Variants in RBM19 observed in about 807,000 individuals in gnomAD.
The protein encoded by RBM19 is probable RNA-binding protein 19.
A neutral mutation model predicts 116.8 loss-of-function variants in RBM19; 94 were observed. The observed-to-expected ratio is 0.80, with a 90% CI of 0.68 to 0.95. RBM19 has a LOEUF of 0.95. Among genes scored for constraint, RBM19 ranks in the 40% least tolerant of loss-of-function variants. RBM19 has a pLI of 0.00. For missense variants in RBM19, 1,161 were observed against 1,220.7 expected (o/e 0.95, Z 0.73); for synonymous variants, 475 against 494.1 (o/e 0.96, Z 0.51).
chr12:113,911,834 T>C (rs1177543493), intron 21 of RBM19, among the ~76,000 whole-genome samples: 2 of 152,284 alleles, frequency 1.3e-5, no homozygotes, highest in East Asian at 3.9e-4. Context: ...TCACACGTAT[T>C]ACCACAGCAT....
chr12:113,880,990 G>A (rs1015569348), intron 21 of RBM19, among the ~76,000 whole-genome samples: 3 of 152,246 alleles, frequency 2.0e-5, no homozygotes, highest in East Asian at 1.9e-4. Context: ...CTGCAAACGC[G>A]GGTGAGTTTT....
At chr12:113,955,295 G>T in intron 6 of RBM19, 84 bp from the exon 7 acceptor site, 1 of 1,335,116 alleles carries the variant, frequency 7.5e-7, no homozygotes, top group Non-Finnish European at 1.1e-6. Flanking sequence ...ACATTTCAGT[G>T]CCAGAGAAGG....
At chr12:113,914,933 C>T in intron 21 of RBM19, 36 bp downstream of exon 21, 1 of 1,574,778 alleles carries the variant, frequency 6.4e-7, no homozygotes, top group Non-Finnish European at 8.7e-7. Context: ...TCCCCGCCCA[C>T]ACGCCAGTCC....
rs1377305002 is a variant in RBM19, at chr12:113,823,051, A to G, written c.*173T>C. 6.5e-6 allele frequency: 4 copies of G among 614,600 alleles called. No homozygotes were observed. Among genetic ancestry groups the G allele is most frequent in the Non-Finnish European group, 1.1e-5 (4 of 352,626 alleles). The allele number at this position is 614,600 out of a possible 1,614,324, so 38.1% of individuals were successfully genotyped here. On this transcript the variant is annotated 3_prime_UTR_variant, in exon 24 of 24. Transcript: ENST00000261741. Reference sequence around the variant, plus strand: ...ACCCAGGATGCCTGGGCCGCTGGGCAGTGGCCTGAGGCCTTCCTCATCCCC... The same window carrying G: ...ACCCAGGATGCCTGGGCCGCTGGGCGGTGGCCTGAGGCCTTCCTCATCCCC...
chr12:113,888,944 T>TG (rs1370720470), intron 21 of RBM19, among the ~76,000 whole-genome samples: 2 of 152,186 alleles, frequency 1.3e-5, no homozygotes, highest in African/African-American at 4.8e-5. Context: ...TGAAAGCCTT[T>TG]GGGGGGCTCT....
rs146264964 is a variant in RBM19 at position 113,838,209 on chromosome 12, C to T, written c.2785+6459G>A. 5.2e-3 allele frequency among the ~76,000 whole-genome samples: 799 copies of T among 152,370 alleles called. 2 individuals carry two copies. The highest frequency in any genetic ancestry group is 6.6e-3 in the Non-Finnish European group (450 of 68,036). ...ACTGCACTCACCCACTCTGGGACCA[C>T]TGAGACTTGCCAATTCACCCAGCGT... On this transcript the variant is annotated intron_variant, in intron 23 of 23. Transcript: ENST00000261741.
chr12:113,940,169 A>T lies in RBM19; in HGVS notation c.1738-9T>A. 1 of 1,611,004 alleles carries T rather than the reference A, an allele frequency of 6.2e-7. No individual in the cohort carries two copies. The highest frequency in any genetic ancestry group is 8.5e-7 in the Non-Finnish European group (1 of 1,177,992). On this transcript the variant is annotated splice_polypyrimidine_tract_variant and intron_variant, in intron 14 of 23. Transcript: ENST00000261741. Reference sequence around the variant, plus strand: ...CTTCGCTCTGCTGCAGCCTGCAAAGAGGAAATGCACACACATGGGACCACA... The same window carrying T: ...CTTCGCTCTGCTGCAGCCTGCAAAGTGGAAATGCACACACATGGGACCACA...
At chr12:113,900,810 A>T (rs1222007118) in intron 21 of RBM19, among the ~76,000 whole-genome samples, 1 of 152,216 alleles carries the variant, frequency 6.6e-6, no homozygotes, top group East Asian at 1.9e-4. Flanking sequence ...TCCTCTGGAC[A>T]TATTGGTAGG....
At chr12:113,831,064 G>A (rs907890123) in intron 23 of RBM19, among the ~76,000 whole-genome samples, 1 of 152,190 alleles carries the variant, frequency 6.6e-6, no homozygotes, top group African/African-American at 2.4e-5. Context: ...GCCATTCCTT[G>A]GGCCTGGTGC....
At chr12:113,841,034 C>T (rs1019413907) in intron 23 of RBM19, among the ~76,000 whole-genome samples, 11 of 152,164 alleles carry the variant, frequency 7.2e-5, no homozygotes, top group African/African-American at 7.2e-5. Flanking sequence ...TTGACATACT[C>T]GGGGAGCCCA....
In RBM19 at chr12:113,946,340, G is replaced by A; in HGVS notation, c.1529+14C>T. ...TTGGGGTTGGAGCTCAGTGGTTTCA[G>A]GGGCACTGAGGACCTGGCACTGTTG... On this transcript the variant is annotated intron_variant, in intron 12 of 23. Coordinates refer to ENST00000261741, the MANE Select transcript of RBM19 (RefSeq NM_016196.4). 1 of 1,614,086 alleles carries A rather than the reference G, an allele frequency of 6.2e-7. No homozygotes were observed. The highest frequency in any genetic ancestry group is 1.3e-5 in the African/African-American group (1 of 75,038).
intron 21 of RBM19, among the ~76,000 whole-genome samples, chr12:113,882,016 TTC>T (rs1283479400): frequency 6.6e-6 from 1 of 152,230 alleles, no homozygotes; most frequent in African/African-American, 2.4e-5. Flanking sequence ...ATAACGGAGC[TTC>T]TGTCCTCAAA....
intron 19 of RBM19, among the ~76,000 whole-genome samples, 179 bp downstream of exon 19, chr12:113,920,432 T>G (rs1236190188): frequency 6.6e-6 from 1 of 151,848 alleles, no homozygotes; most frequent in African/African-American, 2.4e-5. Context: ...GACCGTGGAG[T>G]GTTGGGAAAG....
At chr12:113,944,843 G>GTA (rs1566033745) in intron 13 of RBM19, among the ~76,000 whole-genome samples, 2 of 137,488 alleles carry the variant, frequency 1.5e-5, no homozygotes, top group Admixed American at 7.4e-5. Flanking sequence ...ATATGAATGT[G>GTA]TATATATATG....
chr12:113,850,061 C>T (rs139948865), intron 22 of RBM19, among the ~76,000 whole-genome samples: 114 of 152,346 alleles, frequency 7.5e-4, no homozygotes, highest in Middle Eastern at 3.4e-3. Flanking sequence ...TCCAACCCTC[C>T]TCTTGGCCTA....
chr12:113,891,613 C>T (rs1565999843), intron 21 of RBM19, among the ~76,000 whole-genome samples: 2 of 152,278 alleles, frequency 1.3e-5, no homozygotes, highest in South Asian at 2.1e-4. Context: ...AATTGCAGAG[C>T]GCACACCACA....
intron 21 of RBM19, among the ~76,000 whole-genome samples, chr12:113,871,815 C>G (rs569333648): frequency 2.0e-5 from 3 of 152,222 alleles, no homozygotes; most frequent in Non-Finnish European, 4.4e-5. Flanking sequence ...TCTTTGCCGC[C>G]GCGCCGGCGA....
At chr12:113,858,997 A>G in intron 21 of RBM19, 101 bp from the exon 22 acceptor site, 1 of 1,067,872 alleles carries the variant, frequency 9.4e-7, no homozygotes, top group Non-Finnish European at 1.4e-6. Context: ...TTTGGGTTAT[A>G]AAAGACAAGT....
Position 113,850,091 on chromosome 12 carries a change from G to C in RBM19, c.2665-5303C>G, listed in dbSNP as rs532707374. 3.3e-5 allele frequency among the ~76,000 whole-genome samples: 5 copies of C among 152,304 alleles called. No individual in the cohort carries two copies. The South Asian group carries it at 1.0e-3, about 32-fold the overall frequency. On this transcript the variant is annotated intron_variant, in intron 22 of 23. Transcript: ENST00000261741. Reference sequence around the variant, plus strand: ...GGCCTAAGGGAGATGACAGTTCTGGGGGCTTCGCCATCCCTGGGGAATCCC... The same window carrying C: ...GGCCTAAGGGAGATGACAGTTCTGGCGGCTTCGCCATCCCTGGGGAATCCC...
Sources: allele counts gnomAD v4.1 joint callset (sites outside exome capture counted in the v4.1 genomes callset), GRCh38; gene constraint gnomAD v4.1.1; transcripts MANE v1.5; gene names NCBI Gene and HGNC (gene_info 2026-07-23, HGNC 2026-07-21).